The following C10orf67 variants were observed in gnomAD, a reference collection of about 807,000 sequenced individuals.
The protein encoded by C10orf67 is uncharacterized protein C10orf67, mitochondrial.
Under a neutral mutation model 35.6 loss-of-function variants are expected in C10orf67, and 60 were observed. That is an observed-to-expected ratio of 1.68 (90% confidence interval 1.37 to 2.09). The LOEUF (loss-of-function observed/expected upper bound fraction) is 2.09, where lower values mean the gene tolerates loss of function less well. Ranked by LOEUF, C10orf67 falls within the 30% of genes most tolerant of loss-of-function variation. The probability of loss-of-function intolerance (pLI) is 0.00; values close to 1 mark genes in which losing one functional copy is unlikely to be tolerated. For synonymous variants in C10orf67, 167 were observed against 115.8 expected (o/e 1.44, Z -2.84); for missense variants, 474 against 330.2 (o/e 1.44, Z -3.38).
At chr10:23,280,274 C>G (rs537223311) in intron 8 of C10orf67, among the ~76,000 whole-genome samples, 84 of 152,290 alleles carry the variant, frequency 5.5e-4, no homozygotes, top group African/African-American at 2.0e-3. Context: ...TGTAACAAAA[C>G]CCTTCTAGCT....
chr10:23,254,421 G>A (rs934564648), intron 10 of C10orf67, among the ~76,000 whole-genome samples: 8 of 151,914 alleles, frequency 5.3e-5, no homozygotes, highest in African/African-American at 1.7e-4. Context: ...CGTTGGCCAC[G>A]CTGGTCTTGA....
chr10:23,293,724 G>A (rs1004509599), intron 5 of C10orf67, among the ~76,000 whole-genome samples: 25 of 152,208 alleles, frequency 1.6e-4, no homozygotes, highest in African/African-American at 6.0e-4. Flanking sequence ...TAGGGCTTCA[G>A]GTGGTGGCAT....
chr10:23,214,057 G>A (rs1841374540), intron 15 of C10orf67, among the ~76,000 whole-genome samples: 2 of 151,628 alleles, frequency 1.3e-5, no homozygotes, highest in East Asian at 1.9e-4. Context: ...ATTGATATAA[G>A]ATACAATAGA....
At chr10:23,262,706 G>A (rs919113179) in intron 10 of C10orf67, among the ~76,000 whole-genome samples, 3 of 152,024 alleles carry the variant, frequency 2.0e-5, no homozygotes, top group Non-Finnish European at 4.4e-5. Flanking sequence ...AATATTAAAC[G>A]CTATTTTCAC....
intron 12 of C10orf67, among the ~76,000 whole-genome samples, chr10:23,248,198 C>T (rs576087221): frequency 1.3e-5 from 2 of 152,280 alleles, no homozygotes; most frequent in Middle Eastern, 3.4e-3. Context: ...GCCCATCAGG[C>T]AGAACAGAGG....
In C10orf67 at chr10:23,307,562, C is replaced by G. The variant is rs147899652; in HGVS notation, c.547-4103G>C. Among the ~76,000 whole-genome samples, 804 of 150,836 alleles carry G rather than the reference C, an allele frequency of 5.3e-3. 10 individuals are homozygous for G. The highest frequency in any genetic ancestry group is 0.019 in the African/African-American group (767 of 41,120). ...TACTCCATATGACAATATCCAATAT[C>G]AGCTTTTAAAATTTTGTGATTTTAT... is the stretch of plus-strand genomic sequence containing the variant. On this transcript the variant is annotated intron_variant, in intron 4 of 15. Transcript: ENST00000636213.
intron 13 of C10orf67, among the ~76,000 whole-genome samples, chr10:23,232,112 G>A (rs1841929083): frequency 6.6e-6 from 1 of 152,122 alleles, no homozygotes; most frequent in Non-Finnish European, 1.5e-5. Context: ...CTATGGCCTT[G>A]CTCTTGGGAA....
intron 10 of C10orf67, among the ~76,000 whole-genome samples, chr10:23,259,325 C>G (rs1272304672): frequency 6.6e-6 from 1 of 152,102 alleles, no homozygotes; most frequent in African/African-American, 2.4e-5. Flanking sequence ...AGAAGTGGTT[C>G]TTATTTAGAG....
intron 1 of C10orf67, among the ~76,000 whole-genome samples, chr10:23,335,905 C>T (rs1337284848): frequency 6.6e-6 from 1 of 152,204 alleles, no homozygotes; most frequent in South Asian, 2.1e-4. Flanking sequence ...AGTCTCCCCA[C>T]AGTTGTACCT....
At chr10:23,261,596 G>A (rs1335293028) in intron 10 of C10orf67, among the ~76,000 whole-genome samples, 3 of 152,184 alleles carry the variant, frequency 2.0e-5, no homozygotes, top group Non-Finnish European at 4.4e-5. Flanking sequence ...ACAGGTGTGA[G>A]CAGCCACCCC....
At chr10:23,205,871 A>G (rs1045204327) in intron 15 of C10orf67, among the ~76,000 whole-genome samples, 13 of 152,208 alleles carry the variant, frequency 8.5e-5, no homozygotes, top group African/African-American at 3.1e-4. Flanking sequence ...TAAGTCTCCT[A>G]AATAATAAAA....
At chr10:23,209,654 T>G (rs1841254485) in intron 15 of C10orf67, among the ~76,000 whole-genome samples, 2 of 152,086 alleles carry the variant, frequency 1.3e-5, no homozygotes, top group Non-Finnish European at 2.9e-5. Context: ...TCATTTCTCT[T>G]AAGTATATAT....
chr10:23,270,029 C>T (rs149854348), intron 8 of C10orf67, among the ~76,000 whole-genome samples: 21 of 152,190 alleles, frequency 1.4e-4, no homozygotes, highest in African/African-American at 4.8e-4. Context: ...GCAGAAAACA[C>T]ATCATTTTCA....
chr10:23,258,515 C>T (rs918367213), intron 10 of C10orf67: 1 of 168,520 alleles, frequency 5.9e-6, no homozygotes. Flanking sequence ...ACCAGGGTTA[C>T]TCCTACCATG....
chr10:23,343,658 C>T (rs1846007074), intron 1 of C10orf67, among the ~76,000 whole-genome samples: 1 of 152,186 alleles, frequency 6.6e-6, no homozygotes, highest in African/African-American at 2.4e-5. Context: ...AACTCACGGC[C>T]CCTGTGAGAG....
intron 10 of C10orf67, among the ~76,000 whole-genome samples, chr10:23,253,390 C>T (rs776338531): frequency 1.3e-5 from 2 of 152,180 alleles, no homozygotes; most frequent in African/African-American, 4.8e-5. Context: ...TCCACGTGAA[C>T]CACCTCTTTG....
At chr10:23,269,812 T>G (rs771337432) in intron 8 of C10orf67, among the ~76,000 whole-genome samples, 2 of 151,760 alleles carry the variant, frequency 1.3e-5, no homozygotes, top group Non-Finnish European at 2.9e-5. Context: ...GATAAAAAGA[T>G]CAGTTCATTG....
intron 13 of C10orf67, among the ~76,000 whole-genome samples, chr10:23,228,561 A>AT (rs1288022142): frequency 3.9e-5 from 6 of 152,232 alleles, no homozygotes; most frequent in Non-Finnish European, 7.3e-5. Flanking sequence ...ACCAAAAGCA[A>AT]TGGCAACAAA....
intron 15 of C10orf67, among the ~76,000 whole-genome samples, chr10:23,218,028 C>A (rs1239004103): frequency 1.3e-5 from 2 of 152,176 alleles, no homozygotes; most frequent in Non-Finnish European, 2.9e-5. Flanking sequence ...CAGAGAGAGC[C>A]TCTTATTTTT....
Sources: allele counts gnomAD v4.1 joint callset (sites outside exome capture counted in the v4.1 genomes callset), GRCh38; gene constraint gnomAD v4.1.1; transcripts MANE v1.5; gene names NCBI Gene and HGNC (gene_info 2026-07-23, HGNC 2026-07-21).